Variants in TMEM108 observed in about 807,000 individuals in gnomAD.
TMEM108 encodes transmembrane protein 108.
TMEM108 carries 12 observed loss-of-function variants against 35.1 expected under a neutral mutation model. The ratio of observed to expected loss-of-function variants is 0.34; its 90% CI spans 0.22 to 0.55. The LOEUF (loss-of-function observed/expected upper bound fraction) is 0.55, where lower values mean the gene tolerates loss of function less well. Among genes scored for constraint, TMEM108 ranks in the 20% least tolerant of loss-of-function variants. The pLI is 0.89. For missense variants in TMEM108, 680 were observed against 753.3 expected, an observed-to-expected ratio of 0.90 and a Z score of 1.14; for synonymous variants, 287 against 308.6, an observed-to-expected ratio of 0.93 and a Z score of 0.73.
At chr3:133,059,483 T>A (rs1378047748) in intron 2 of TMEM108, among the ~76,000 whole-genome samples, 2 of 152,188 alleles carry the variant, frequency 1.3e-5, no homozygotes, top group South Asian at 2.1e-4. Context: ...CTCTTTCTTA[T>A]AACTCTGTGA....
chr3:133,144,220 G>A (rs1944683029), intron 2 of TMEM108, among the ~76,000 whole-genome samples: 1 of 152,064 alleles, frequency 6.6e-6, no homozygotes, highest in African/African-American at 2.4e-5. Context: ...AGAACATGCG[G>A]TGTTTGGTTT....
At chr3:133,159,057 A>T (rs1003336626) in intron 2 of TMEM108, among the ~76,000 whole-genome samples, 6 of 152,228 alleles carry the variant, frequency 3.9e-5, no homozygotes, top group Non-Finnish European at 1.5e-5. Flanking sequence ...GCAAAAATGC[A>T]GGCTTTCCAT....
intron 3 of TMEM108, among the ~76,000 whole-genome samples, chr3:133,355,371 A>G (rs73863509): frequency 1.5e-3 from 236 of 152,304 alleles, no homozygotes; most frequent in African/African-American, 5.0e-3. Context: ...AGCCAGACTC[A>G]TGACGTAGTT....
At chr3:133,276,355 C>G (rs1399572612) in intron 3 of TMEM108, among the ~76,000 whole-genome samples, 1 of 152,098 alleles carries the variant, frequency 6.6e-6, no homozygotes, top group Non-Finnish European at 1.5e-5. Context: ...CTCAGAAAGA[C>G]CATATAAAGC....
chr3:133,184,677 A>G (rs771786017), intron 2 of TMEM108, among the ~76,000 whole-genome samples: 12 of 152,222 alleles, frequency 7.9e-5, no homozygotes, highest in Non-Finnish European at 1.5e-4. Flanking sequence ...TATGTAATTA[A>G]AAGAACAAAA....
chr3:133,277,124 C>G (rs1183323378), intron 3 of TMEM108, among the ~76,000 whole-genome samples: 1 of 149,204 alleles, frequency 6.7e-6, no homozygotes, highest in Admixed American at 6.6e-5. Context: ...GAACTCTGGA[C>G]CAGAAAAAAA....
chr3:133,387,450 A>G (rs2073169012), intron 4 of TMEM108: 2 of 985,474 alleles, frequency 2.0e-6, no homozygotes, highest in Non-Finnish European at 2.4e-6. Context: ...GACAGCGTGG[A>G]GCAGAACTTT....
At chr3:133,348,234 G>C (rs2071881471) in intron 3 of TMEM108, among the ~76,000 whole-genome samples, 1 of 152,008 alleles carries the variant, frequency 6.6e-6, no homozygotes, top group Admixed American at 6.6e-5. Flanking sequence ...CCCTGAAACA[G>C]TTTGTTTATA....
chr3:133,265,872 C>T (rs1286131361), intron 3 of TMEM108, among the ~76,000 whole-genome samples: 1 of 152,156 alleles, frequency 6.6e-6, no homozygotes, highest in African/African-American at 2.4e-5. Flanking sequence ...GTATGTGAAA[C>T]ATTCCTATAC....
chr3:133,365,424 G>A (rs2072476434), intron 3 of TMEM108, among the ~76,000 whole-genome samples: 2 of 152,180 alleles, frequency 1.3e-5, no homozygotes, highest in African/African-American at 4.8e-5. Context: ...AAGAGAAAAG[G>A]GAGGGCACAG....
At chr3:133,072,528 T>C (rs1375290438) in intron 2 of TMEM108, among the ~76,000 whole-genome samples, 1 of 152,048 alleles carries the variant, frequency 6.6e-6, no homozygotes, top group East Asian at 1.9e-4. Context: ...ACATTTAATG[T>C]AGAAAAAGGG....
chr3:133,184,293 AAATTT>A (rs1192801121), intron 2 of TMEM108, among the ~76,000 whole-genome samples: 4 of 152,252 alleles, frequency 2.6e-5, no homozygotes, highest in South Asian at 4.1e-4. Context: ...TATAACATTT[AAATTT>A]AATTTAATGT....
intron 2 of TMEM108, among the ~76,000 whole-genome samples, chr3:133,116,794 A>T (rs1944293144): frequency 6.6e-6 from 1 of 152,180 alleles, no homozygotes; most frequent in East Asian, 1.9e-4. Context: ...TTATTTTTTG[A>T]GACAGAGTCT....
At chr3:133,305,150 G>A (rs541867902) in intron 3 of TMEM108, among the ~76,000 whole-genome samples, 1 of 151,908 alleles carries the variant, frequency 6.6e-6, no homozygotes, top group East Asian at 1.9e-4. Context: ...TCCAGAAAAT[G>A]TGGCACATAT....
chr3:133,200,829 G>A (rs1945651955), intron 2 of TMEM108, among the ~76,000 whole-genome samples: 2 of 152,150 alleles, frequency 1.3e-5, no homozygotes, highest in Admixed American at 6.5e-5. Context: ...CTGTTTAAAT[G>A]TAAATGAATT....
chr3:133,161,700 C>CA (rs34741383), intron 2 of TMEM108, among the ~76,000 whole-genome samples: 20,173 of 139,072 alleles, frequency 0.15, 1,403 homozygotes, highest in South Asian at 0.18. Context: ...CTCATTCCCT[C>CA]AAAAAAAAAA....
At chr3:133,174,926 G>GA (rs566409725) in intron 2 of TMEM108, among the ~76,000 whole-genome samples, 1 of 151,928 alleles carries the variant, frequency 6.6e-6, no homozygotes, top group Admixed American at 6.6e-5. Flanking sequence ...TAAAAACCTT[G>GA]AAAAAAAATT....
At chr3:133,126,977 G>A (rs1335772708) in intron 2 of TMEM108, among the ~76,000 whole-genome samples, 1 of 152,078 alleles carries the variant, frequency 6.6e-6, no homozygotes, top group Non-Finnish European at 1.5e-5. Flanking sequence ...GATATGGAGG[G>A]CTGACTGTAA....
chr3:133,331,704 C>T (rs2071395558), intron 3 of TMEM108, among the ~76,000 whole-genome samples: 1 of 152,178 alleles, frequency 6.6e-6, no homozygotes, highest in Admixed American at 6.5e-5. Context: ...ATCTGATTTT[C>T]CCAGGCATGG....
Sources: gnomAD v4.1 joint callset for allele counts (sites outside exome capture counted in the v4.1 genomes callset) on GRCh38, gnomAD v4.1.1 for gene constraint, MANE v1.5 for transcripts, NCBI Gene and HGNC (gene_info 2026-07-23, HGNC 2026-07-21) for gene names.